Variants in L3MBTL4 observed in about 807,000 individuals in gnomAD.
The protein encoded by L3MBTL4 is lethal(3)malignant brain tumor-like protein 4.
A neutral mutation model predicts 84.5 loss-of-function variants in L3MBTL4; 70 were observed. The ratio of observed to expected loss-of-function variants is 0.83; its 90% CI spans 0.68 to 1.01. The LOEUF (loss-of-function observed/expected upper bound fraction) is 1.01, where lower values mean the gene tolerates loss of function less well. Among genes scored for constraint, L3MBTL4 ranks in the 50% least tolerant of loss-of-function variants. L3MBTL4 has a pLI of 0.00. For synonymous variants in L3MBTL4, 274 were observed against 259.8 expected, an observed-to-expected ratio of 1.05 and a Z score of -0.52; for missense variants, 715 against 754.8, an observed-to-expected ratio of 0.95 and a Z score of 0.62.
At chr18:6,203,298 A>G (rs2045726599) in intron 12 of L3MBTL4, among the ~76,000 whole-genome samples, 1 of 152,242 alleles carries the variant, frequency 6.6e-6, no homozygotes, top group African/African-American at 2.4e-5. Flanking sequence ...GAGGTAGGAT[A>G]GCCGACTCCT....
chr18:6,291,941 A>G (rs941574172), intron 4 of L3MBTL4, among the ~76,000 whole-genome samples: 8 of 152,220 alleles, frequency 5.3e-5, no homozygotes, highest in Non-Finnish European at 7.3e-5. Flanking sequence ...AACATTTTCA[A>G]ACTATCCATC....
intron 16 of L3MBTL4, among the ~76,000 whole-genome samples, chr18:6,036,023 T>G (rs1317264045): frequency 1.3e-5 from 2 of 152,222 alleles, no homozygotes; most frequent in Non-Finnish European, 2.9e-5. Flanking sequence ...TACTGAATAT[T>G]GGCCCATTAT....
chr18:6,136,460 G>A (rs1176936786), intron 14 of L3MBTL4, among the ~76,000 whole-genome samples: 2 of 152,128 alleles, frequency 1.3e-5, no homozygotes, highest in African/African-American at 4.8e-5. Flanking sequence ...CTCACCCCCT[G>A]CTTTTCTGCA....
chr18:6,220,358 A>G (rs1227115113), intron 10 of L3MBTL4, among the ~76,000 whole-genome samples: 1 of 152,126 alleles, frequency 6.6e-6, no homozygotes, highest in Non-Finnish European at 1.5e-5. Flanking sequence ...TGCTGTAACT[A>G]GAACACTGCA....
intron 17 of L3MBTL4, among the ~76,000 whole-genome samples, chr18:5,963,764 A>G (rs16949095): frequency 1.3e-5 from 2 of 152,210 alleles, no homozygotes; most frequent in African/African-American, 4.8e-5. Flanking sequence ...TTTCTCAATG[A>G]AAGTGGTGAG....
chr18:6,235,553 G>A (rs935282311), intron 10 of L3MBTL4, among the ~76,000 whole-genome samples: 5 of 152,294 alleles, frequency 3.3e-5, no homozygotes, highest in Admixed American at 6.5e-5. Flanking sequence ...TTGAAAATAC[G>A]ATGTCAAGTG....
At chr18:6,204,638 A>G (rs1568310952) in intron 12 of L3MBTL4, among the ~76,000 whole-genome samples, 1 of 152,268 alleles carries the variant, frequency 6.6e-6, no homozygotes, top group East Asian at 1.9e-4. Flanking sequence ...GGAAATGCAA[A>G]TAAAACAAGG....
intron 1 of L3MBTL4, among the ~76,000 whole-genome samples, chr18:6,384,112 C>G (rs1295791393): frequency 1.3e-5 from 2 of 152,138 alleles, no homozygotes; most frequent in Non-Finnish European, 2.9e-5. Flanking sequence ...TGTCCTGCCT[C>G]AGAGAGGAAC....
At chr18:5,960,455 C>A (rs539384894) in intron 17 of L3MBTL4, among the ~76,000 whole-genome samples, 1 of 152,336 alleles carries the variant, frequency 6.6e-6, no homozygotes, top group South Asian at 2.1e-4. Flanking sequence ...ATTCTCCTGA[C>A]TCCCCCATGG....
intron 16 of L3MBTL4, among the ~76,000 whole-genome samples, chr18:5,980,987 T>C (rs1196606996): frequency 6.6e-6 from 1 of 152,218 alleles, no homozygotes; most frequent in Non-Finnish European, 1.5e-5. Flanking sequence ...TGGGGAAGCA[T>C]GCCCAGGTGT....
intron 1 of L3MBTL4, among the ~76,000 whole-genome samples, chr18:6,349,406 T>C (rs1599734605): frequency 6.6e-6 from 1 of 152,162 alleles, no homozygotes; most frequent in East Asian, 1.9e-4. Context: ...TTAGAGACAT[T>C]ATGCTAAACA....
intron 17 of L3MBTL4, among the ~76,000 whole-genome samples, chr18:5,967,458 C>T (rs2052410518): frequency 6.6e-6 from 1 of 152,246 alleles, no homozygotes; most frequent in Non-Finnish European, 1.5e-5. Context: ...TCCATGCAGC[C>T]ACCTCTGTTT....
intron 12 of L3MBTL4, among the ~76,000 whole-genome samples, chr18:6,195,975 TTCA>T (rs1348217372): frequency 1.3e-5 from 2 of 151,994 alleles, no homozygotes; most frequent in Admixed American, 1.3e-4. Context: ...CCTAGCCCTC[TTCA>T]TTCCTCATCC....
At chr18:5,963,435 C>T (rs1030790274) in intron 17 of L3MBTL4, among the ~76,000 whole-genome samples, 8 of 152,216 alleles carry the variant, frequency 5.3e-5, no homozygotes, top group African/African-American at 1.4e-4. Context: ...ACAGAGCAGA[C>T]GCGGCCCTGC....
chr18:6,045,381 G>A (rs1425449204), intron 16 of L3MBTL4, among the ~76,000 whole-genome samples: 1 of 152,192 alleles, frequency 6.6e-6, no homozygotes, highest in Admixed American at 6.5e-5. Flanking sequence ...GATCCTTAAG[G>A]AAGGTGTATT....
chr18:6,098,588 T>C (rs554035278), intron 14 of L3MBTL4, among the ~76,000 whole-genome samples: 5 of 152,202 alleles, frequency 3.3e-5, no homozygotes, highest in South Asian at 4.2e-4. Context: ...TCCTGAAAAG[T>C]AAAGTCGCCC....
intron 4 of L3MBTL4, among the ~76,000 whole-genome samples, chr18:6,292,672 G>C (rs770151853): frequency 6.6e-5 from 10 of 152,170 alleles, no homozygotes; most frequent in Non-Finnish European, 8.8e-5. Context: ...TTGATCAAAA[G>C]GGGGAAATGT....
At chr18:6,404,519 C>T (rs564157822) in intron 1 of L3MBTL4, among the ~76,000 whole-genome samples, 2 of 152,086 alleles carry the variant, frequency 1.3e-5, no homozygotes, top group Non-Finnish European at 2.9e-5. Context: ...CTCTTCGTGG[C>T]CTGTAGAAAA....
chr18:5,959,282 G>T (rs1367530916), intron 18 of L3MBTL4, among the ~76,000 whole-genome samples: 4 of 152,134 alleles, frequency 2.6e-5, no homozygotes, highest in Admixed American at 2.0e-4. Context: ...CCCTTTTCTT[G>T]CTCTGCCTCA....
Sources: gnomAD v4.1 joint callset for allele counts (sites outside exome capture counted in the v4.1 genomes callset) on GRCh38, gnomAD v4.1.1 for gene constraint, MANE v1.5 for transcripts, NCBI Gene and HGNC (gene_info 2026-07-23, HGNC 2026-07-21) for gene names.